Variants in FANCL observed in about 807,000 individuals in gnomAD.
FANCL encodes the protein E3 ubiquitin-protein ligase FANCL.
A neutral mutation model predicts 59.4 loss-of-function variants in FANCL; 69 were observed. The observed-to-expected ratio is 1.16, with a 90% confidence interval of 0.96 to 1.42. FANCL has a LOEUF of 1.42. Among genes scored for constraint, FANCL ranks in the 40% most tolerant of loss-of-function variants. FANCL has a pLI of 0.00. For synonymous variants in FANCL, 180 were observed against 147.1 expected (o/e 1.22, Z -1.62); for missense variants, 519 against 447.2 (o/e 1.16, Z -1.45).
intron 7 of FANCL, among the ~76,000 whole-genome samples, chr2:58,170,052 C>G (rs113577613): frequency 3.2e-4 from 48 of 152,198 alleles, no homozygotes; most frequent in African/African-American, 1.1e-3. Flanking sequence ...AAAGATACTC[C>G]TCCAGAACAG....
At chr2:58,227,606 G>C (rs1048000642) in intron 3 of FANCL, among the ~76,000 whole-genome samples, 2 of 152,114 alleles carry the variant, frequency 1.3e-5, no homozygotes, top group Non-Finnish European at 2.9e-5. Flanking sequence ...ATGTCCTCTC[G>C]ATGTCCAGCC....
At chr2:58,217,787 C>T (rs773658313) in intron 5 of FANCL, among the ~76,000 whole-genome samples, 2 of 148,816 alleles carry the variant, frequency 1.3e-5, no homozygotes, top group African/African-American at 2.5e-5. Flanking sequence ...TCAGGACAAG[C>T]GGACAAAAAA....
At chr2:58,177,812 A>G (rs1428066164) in intron 7 of FANCL, among the ~76,000 whole-genome samples, 1 of 151,640 alleles carries the variant, frequency 6.6e-6, no homozygotes, top group East Asian at 1.9e-4. Flanking sequence ...AGAAAAAGAA[A>G]AAACAAAAAA....
At chr2:58,210,417 G>A (rs192125918) in intron 5 of FANCL, among the ~76,000 whole-genome samples, 5 of 152,080 alleles carry the variant, frequency 3.3e-5, no homozygotes, top group East Asian at 3.9e-4. Context: ...GGGGGAAACC[G>A]CCCTCCCACA....
intron 1 of FANCL, among the ~76,000 whole-genome samples, chr2:58,237,879 A>C (rs542103511): frequency 1.7e-4 from 26 of 152,308 alleles, no homozygotes; most frequent in African/African-American, 6.3e-4. Flanking sequence ...ATTAAAGAGA[A>C]TGTGCATCTT....
At chr2:58,226,609 A>T in intron 4 of FANCL, 119 bp downstream of exon 4, 1 of 769,170 alleles carries the variant, frequency 1.3e-6, no homozygotes, top group South Asian at 1.6e-5. Flanking sequence ...AAAAGAAAAC[A>T]TCAAATGACT....
chr2:58,219,715 A>T (rs1357657166), intron 5 of FANCL, among the ~76,000 whole-genome samples: 1 of 152,138 alleles, frequency 6.6e-6, no homozygotes, highest in African/African-American at 2.4e-5. Flanking sequence ...GGCTCTAAAA[A>T]GTGTGCCAAA....
chr2:58,201,103 A>C (rs1442837326), intron 6 of FANCL, among the ~76,000 whole-genome samples: 1 of 150,988 alleles, frequency 6.6e-6, no homozygotes, highest in South Asian at 2.1e-4. Flanking sequence ...CTTCTGAATT[A>C]TAATAGTATT....
chr2:58,228,071 A>AT (rs11461396), intron 3 of FANCL, among the ~76,000 whole-genome samples: 87,871 of 151,484 alleles, frequency 0.58, 26,187 homozygotes, highest in African/African-American at 0.73. Flanking sequence ...CAATATGGTC[A>AT]TTTTTTTTAT....
At chr2:58,166,576 C>G (rs1685973910) in intron 7 of FANCL, among the ~76,000 whole-genome samples, 1 of 152,170 alleles carries the variant, frequency 6.6e-6, no homozygotes, top group African/African-American at 2.4e-5. Context: ...AGGAGTTTCT[C>G]ATGAAACAAT....
At chr2:58,197,303 T>C (rs1689531662) in intron 7 of FANCL, among the ~76,000 whole-genome samples, 1 of 152,084 alleles carries the variant, frequency 6.6e-6, no homozygotes, top group Non-Finnish European at 1.5e-5. Flanking sequence ...TTTACTTTAC[T>C]CATGTATTTA....
chr2:58,184,059 C>T (rs1370938985), intron 7 of FANCL, among the ~76,000 whole-genome samples: 1 of 152,102 alleles, frequency 6.6e-6, no homozygotes, highest in Admixed American at 6.6e-5. Flanking sequence ...GTTTGAAAAT[C>T]CATGAAGTAG....
chr2:58,198,789 G>C (rs1010371940), intron 6 of FANCL, 127 bp from the exon 7 acceptor site: 1 of 692,152 alleles, frequency 1.4e-6, no homozygotes, highest in East Asian at 2.9e-5. Context: ...CAGCACTTTG[G>C]GAGGCCGAGG....
intron 7 of FANCL, among the ~76,000 whole-genome samples, 167 bp downstream of exon 7, chr2:58,198,427 T>C (rs1689657552): frequency 6.6e-6 from 1 of 151,914 alleles, no homozygotes. Context: ...TACAGAAGAG[T>C]GTGCACAGGC....
chr2:58,178,159 G>C (rs1456235709), intron 7 of FANCL, among the ~76,000 whole-genome samples: 1 of 152,038 alleles, frequency 6.6e-6, no homozygotes, highest in African/African-American at 2.4e-5. Flanking sequence ...TCTACCAGAG[G>C]TACAAAGAAG....
intron 7 of FANCL, among the ~76,000 whole-genome samples, chr2:58,179,068 C>G (rs979648352): frequency 1.3e-5 from 2 of 151,966 alleles, no homozygotes; most frequent in African/African-American, 2.4e-5. Context: ...AACCACTGCT[C>G]AAGGAAATAA....
chr2:58,203,122 A>G (rs1391647743), intron 6 of FANCL, among the ~76,000 whole-genome samples: 1 of 151,764 alleles, frequency 6.6e-6, no homozygotes, highest in Non-Finnish European at 1.5e-5. Context: ...AAATAATGAG[A>G]TTTCCATCCC....
At chr2:58,171,843 C>T (rs1372863761) in intron 7 of FANCL, among the ~76,000 whole-genome samples, 1 of 152,178 alleles carries the variant, frequency 6.6e-6, no homozygotes, top group East Asian at 1.9e-4. Flanking sequence ...AGGGAGTTCT[C>T]TTTCCTAGTC....
At chr2:58,174,771 C>T (rs1426963997) in intron 7 of FANCL, among the ~76,000 whole-genome samples, 2 of 152,068 alleles carry the variant, frequency 1.3e-5, no homozygotes, top group African/African-American at 4.8e-5. Context: ...TACCAGAAGG[C>T]AAGAAATAAC....
Sources: allele counts gnomAD v4.1 joint callset (sites outside exome capture counted in the v4.1 genomes callset), GRCh38; gene constraint gnomAD v4.1.1; transcripts MANE v1.5; gene names NCBI Gene and HGNC (gene_info 2026-07-23, HGNC 2026-07-21).